PCDH15: variants seen among roughly 807,000 people sequenced by gnomAD.
The protein encoded by PCDH15 is protocadherin related 15.
A neutral mutation model predicts 178.5 loss-of-function variants in PCDH15; 129 were observed. That is an observed-to-expected ratio of 0.72 (90% CI 0.63 to 0.84). The LOEUF (loss-of-function observed/expected upper bound fraction) is 0.84. Ranked by LOEUF, PCDH15 falls within the 40% of genes least tolerant of loss-of-function variation. The pLI, the probability that PCDH15 is intolerant of heterozygous loss-of-function variation, is 0.00. For missense variants in PCDH15, 2,230 were observed against 2,099.9 expected, an observed-to-expected ratio of 1.06 and a Z score of -1.21; for synonymous variants, 800 against 732.0, an observed-to-expected ratio of 1.09 and a Z score of -1.50.
chr10:54,492,181 C>T (rs2079657254), intron 3 of PCDH15, among the ~76,000 whole-genome samples: 1 of 152,110 alleles, frequency 6.6e-6, no homozygotes, highest in Non-Finnish European at 1.5e-5. Context: ...ATACATGGCT[C>T]CCTGAATAAA....
intron 3 of PCDH15, among the ~76,000 whole-genome samples, chr10:54,833,935 A>G (rs1953268288): frequency 6.6e-6 from 1 of 152,092 alleles, no homozygotes; most frequent in Non-Finnish European, 1.5e-5. Context: ...ATGAATGAGG[A>G]CTAAAATATT....
At chr10:54,811,530 G>A (rs1360186855) in intron 3 of PCDH15, among the ~76,000 whole-genome samples, 2 of 152,000 alleles carry the variant, frequency 1.3e-5, no homozygotes, top group Non-Finnish European at 2.9e-5. Flanking sequence ...GAGTACAGTG[G>A]CAAGGTCTTG....
At chr10:55,445,507 T>C (rs1839295937) in intron 2 of PCDH15, among the ~76,000 whole-genome samples, 1 of 152,120 alleles carries the variant, frequency 6.6e-6, no homozygotes, top group Non-Finnish European at 1.5e-5. Context: ...TAATTATATC[T>C]GAAAGCCCAT....
intron 2 of PCDH15, among the ~76,000 whole-genome samples, chr10:55,082,140 A>T (rs1255848245): frequency 6.6e-6 from 1 of 152,210 alleles, no homozygotes; most frequent in African/African-American, 2.4e-5. Context: ...CTTCCTTAGC[A>T]AATGGATCAT....
intron 2 of PCDH15, among the ~76,000 whole-genome samples, chr10:55,519,221 C>T (rs1320695356): frequency 6.8e-6 from 1 of 146,852 alleles, no homozygotes; most frequent in Admixed American, 6.8e-5. Flanking sequence ...AAAACCCACC[C>T]TTCATGTTTC....
intron 1 of PCDH15, among the ~76,000 whole-genome samples, chr10:54,763,781 A>G (rs1948185101): frequency 6.7e-6 from 1 of 148,172 alleles, no homozygotes; most frequent in Admixed American, 6.8e-5. Flanking sequence ...ATATAAATAT[A>G]CTATATAAAT....
At chr10:53,912,632 G>A (rs2083192834) in intron 25 of PCDH15, among the ~76,000 whole-genome samples, 1 of 152,150 alleles carries the variant, frequency 6.6e-6, no homozygotes, top group African/African-American at 2.4e-5. Context: ...AAAATCACAA[G>A]CATTCCTATA....
At chr10:55,615,468 G>A (rs957541287) in intron 2 of PCDH15, among the ~76,000 whole-genome samples, 2 of 152,074 alleles carry the variant, frequency 1.3e-5, no homozygotes, top group Admixed American at 1.3e-4. Flanking sequence ...AGCAATAAAT[G>A]GGATAATTTA....
intron 1 of PCDH15, among the ~76,000 whole-genome samples, chr10:54,671,689 C>T (rs1044756202): frequency 2.2e-4 from 33 of 152,216 alleles, no homozygotes; most frequent in African/African-American, 7.7e-4. Context: ...CTGGATAATG[C>T]ACTTTATAAG....
rs2092881031 is a variant in PCDH15, at chr10:54,020,432, G to T, written c.2527-16C>A. On this transcript the variant is annotated splice_polypyrimidine_tract_variant and intron_variant, in intron 19 of 37. Transcript: ENST00000644397. Reference sequence around the variant, plus strand: ...CATCTTTGGCCTGTAATAAGCAGAAGAATAGTTTTATTAGTGACGTTACCA... The same window carrying T: ...CATCTTTGGCCTGTAATAAGCAGAATAATAGTTTTATTAGTGACGTTACCA... The T allele has an allele frequency of 1.2e-6, 2 of 1,610,804 alleles. No individual in the cohort carries two copies. The highest frequency in any genetic ancestry group is 1.7e-6 in the Non-Finnish European group (2 of 1,177,498).
At chr10:55,191,174 C>T (rs1839934584) in intron 1 of PCDH15, among the ~76,000 whole-genome samples, 1 of 151,544 alleles carries the variant, frequency 6.6e-6, no homozygotes, top group South Asian at 2.1e-4. Flanking sequence ...CTCTGATTTT[C>T]AGTCCCTATT....
intron 2 of PCDH15, among the ~76,000 whole-genome samples, chr10:55,336,124 GAAAAAAAAAAA>G (rs748988261): frequency 3.4e-4 from 20 of 59,292 alleles, no homozygotes; most frequent in Admixed American, 2.1e-3. Context: ...CTTGGTATTT[GAAAAAAAAAAA>G]AAAAAAAAAA....
intron 7 of PCDH15, among the ~76,000 whole-genome samples, chr10:54,318,842 GTTAAC>G (rs767043344): frequency 6.6e-6 from 1 of 152,124 alleles, no homozygotes; most frequent in Non-Finnish European, 1.5e-5. Context: ...TATCACTGTT[GTTAAC>G]TTCATCACCT....
intron 2 of PCDH15, among the ~76,000 whole-genome samples, chr10:54,620,099 C>A (rs1273723331): frequency 6.6e-6 from 1 of 151,958 alleles, no homozygotes; most frequent in Non-Finnish European, 1.5e-5. Flanking sequence ...ACTACAACAA[C>A]CAGAGTTAAA....
At chr10:54,775,710 C>G (rs1252598599) in intron 1 of PCDH15, among the ~76,000 whole-genome samples, 3 of 152,014 alleles carry the variant, frequency 2.0e-5, no homozygotes, top group African/African-American at 7.2e-5. Flanking sequence ...ACGAGGAAAC[C>G]CCGTCTCTAC....
intron 2 of PCDH15, among the ~76,000 whole-genome samples, chr10:55,440,291 G>T (rs1839148735): frequency 6.6e-6 from 1 of 152,078 alleles, no homozygotes; most frequent in African/African-American, 2.4e-5. Context: ...ATAAATAAAA[G>T]GAGAACAGAA....
chr10:55,210,884 C>A (rs182212153), intron 1 of PCDH15, among the ~76,000 whole-genome samples: 6 of 151,926 alleles, frequency 3.9e-5, no homozygotes, highest in Non-Finnish European at 8.8e-5. Flanking sequence ...CCTCGGCCTC[C>A]CAAAATGCTG....
chr10:54,422,669 G>C (rs772634090), intron 3 of PCDH15, among the ~76,000 whole-genome samples: 1 of 152,098 alleles, frequency 6.6e-6, no homozygotes, highest in Non-Finnish European at 1.5e-5. Flanking sequence ...TCCCTGAAAA[G>C]TAAAATTGTC....
At chr10:55,228,403 A>G (rs1841115261) in intron 1 of PCDH15, among the ~76,000 whole-genome samples, 1 of 152,056 alleles carries the variant, frequency 6.6e-6, no homozygotes, top group East Asian at 1.9e-4. Flanking sequence ...AGTATGGGGA[A>G]TGAATATTCT....
Sources: gnomAD v4.1 joint callset for allele counts (sites outside exome capture counted in the v4.1 genomes callset) on GRCh38, gnomAD v4.1.1 for gene constraint, MANE v1.5 for transcripts, NCBI Gene and HGNC (gene_info 2026-07-23, HGNC 2026-07-21) for gene names.